CNTN4: variants seen among roughly 807,000 people sequenced by gnomAD.
CNTN4 encodes contactin-4.
CNTN4 carries 77 observed loss-of-function variants against 122.5 expected under a neutral mutation model. The ratio of observed to expected loss-of-function variants is 0.63; its 90% confidence interval spans 0.52 to 0.76. The LOEUF is 0.76. Ranked by LOEUF, CNTN4 falls within the 30% of genes least tolerant of loss-of-function variation. The probability of loss-of-function intolerance (pLI) is 0.00; values close to 1 mark genes in which losing one functional copy is unlikely to be tolerated. For missense variants in CNTN4, 1,256 were observed against 1,259.1 expected, an observed-to-expected ratio of 1.00 and a Z score of 0.04; for synonymous variants, 512 against 447.0, an observed-to-expected ratio of 1.15 and a Z score of -1.83.
chr3:2,773,374 AG>A (rs2091185075), intron 6 of CNTN4, among the ~76,000 whole-genome samples: 1 of 152,142 alleles, frequency 6.6e-6, no homozygotes, highest in Non-Finnish European at 1.5e-5. Flanking sequence ...AGTTTGTACA[AG>A]TTTTATTCAA....
intron 3 of CNTN4, among the ~76,000 whole-genome samples, chr3:2,489,987 T>C (rs1312078760): frequency 6.6e-6 from 1 of 151,350 alleles, no homozygotes; most frequent in Non-Finnish European, 1.5e-5. Flanking sequence ...AAATTGTAAA[T>C]AGGGGAATGT....
chr3:3,054,066 C>T, intron 24 of CNTN4, 91 bp downstream of exon 24: 2 of 1,295,410 alleles, frequency 1.5e-6, no homozygotes, highest in Admixed American at 3.6e-5. Context: ...ATTCAGCCTG[C>T]AAAAGCAGAC....
At chr3:2,303,778 A>T (rs2042607724) in intron 2 of CNTN4, among the ~76,000 whole-genome samples, 1 of 152,146 alleles carries the variant, frequency 6.6e-6, no homozygotes, top group African/African-American at 2.4e-5. Flanking sequence ...ATGGTTTCTG[A>T]GTCCCACAGG....
intron 4 of CNTN4, among the ~76,000 whole-genome samples, chr3:2,690,008 C>A (rs1172745279): frequency 6.6e-6 from 1 of 152,004 alleles, no homozygotes; most frequent in African/African-American, 2.4e-5. Context: ...TTTTGTTGCT[C>A]AGGGGAAAAC....
At position 2,689,191 on chromosome 3, in the gene CNTN4, C is replaced by G. The variant is rs528224207; in HGVS notation, c.56-47024C>G. On this transcript the variant is annotated intron_variant, in intron 4 of 24. Transcript: ENST00000418658. ...AGTTGCTTTGCTATTCTTATGGGAG[C>G]CAACCCAACCCCTAGCATTGTACAC... Among the ~76,000 whole-genome samples, 5 of 152,264 alleles carry G rather than the reference C, an allele frequency of 3.3e-5. No individual in the cohort carries two copies. The South Asian group carries it at 1.0e-3, about 32-fold the overall frequency.
intron 3 of CNTN4, among the ~76,000 whole-genome samples, chr3:2,480,466 A>T (rs914537943): frequency 6.6e-6 from 1 of 152,230 alleles, no homozygotes; most frequent in Non-Finnish European, 1.5e-5. Flanking sequence ...ACTTTCCTGT[A>T]TATCAACAAT....
At chr3:2,927,834 C>CTATT (rs2094487337) in intron 13 of CNTN4, among the ~76,000 whole-genome samples, 1 of 152,164 alleles carries the variant, frequency 6.6e-6, no homozygotes, top group Non-Finnish European at 1.5e-5. Flanking sequence ...CTAATTCCTG[C>CTATT]TATTTATCGC....
At chr3:2,625,313 A>G (rs1479946836) in intron 4 of CNTN4, among the ~76,000 whole-genome samples, 3 of 152,292 alleles carry the variant, frequency 2.0e-5, no homozygotes, top group East Asian at 3.9e-4. Context: ...TGTATATTCT[A>G]TTCTAAAACT....
At chr3:2,347,191 T>A (rs887781075) in intron 3 of CNTN4, among the ~76,000 whole-genome samples, 2 of 152,180 alleles carry the variant, frequency 1.3e-5, no homozygotes, top group African/African-American at 4.8e-5. Context: ...AAGAAAAGTT[T>A]ATTTCTCTCT....
chr3:2,264,492 G>T (rs1420270938), intron 2 of CNTN4, among the ~76,000 whole-genome samples: 4 of 151,952 alleles, frequency 2.6e-5, no homozygotes, highest in Non-Finnish European at 4.4e-5. Context: ...AGTTGTTTGG[G>T]TTTCTCATGT....
intron 2 of CNTN4, among the ~76,000 whole-genome samples, chr3:2,129,781 A>T (rs761314637): frequency 6.6e-6 from 1 of 151,682 alleles, no homozygotes; most frequent in African/African-American, 2.4e-5. Flanking sequence ...TTACCTACCT[A>T]CTTAACCAGA....
chr3:2,772,257 C>T (rs1426173442), intron 6 of CNTN4, among the ~76,000 whole-genome samples: 1 of 151,990 alleles, frequency 6.6e-6, no homozygotes, highest in African/African-American at 2.4e-5. Flanking sequence ...TCTGGAAAAA[C>T]AGGAAGGCTT....
intron 6 of CNTN4, among the ~76,000 whole-genome samples, chr3:2,750,662 C>T (rs981364776): frequency 2.6e-5 from 4 of 152,202 alleles, no homozygotes; most frequent in Non-Finnish European, 4.4e-5. Context: ...TCAGCAATCA[C>T]TCCCCTCACT....
intron 4 of CNTN4, among the ~76,000 whole-genome samples, chr3:2,653,855 G>T (rs566059083): frequency 6.6e-6 from 1 of 152,112 alleles, no homozygotes; most frequent in Non-Finnish European, 1.5e-5. Context: ...TGACCAGTTC[G>T]TCTCTACCAA....
intron 23 of CNTN4, 95 bp from the exon 24 acceptor site, chr3:3,053,712 T>G: frequency 7.7e-7 from 1 of 1,301,082 alleles, no homozygotes; most frequent in African/African-American, 1.4e-5. Flanking sequence ...CATCCCTGCA[T>G]TTTGCTCGTG....
intron 13 of CNTN4, among the ~76,000 whole-genome samples, chr3:2,932,301 C>T (rs1011283582): frequency 6.6e-6 from 1 of 152,082 alleles, no homozygotes; most frequent in Admixed American, 6.5e-5. Flanking sequence ...TGGCGTGAAC[C>T]CAGAAGGCGG....
At chr3:2,589,627 C>G (rs1248084978) in intron 4 of CNTN4, among the ~76,000 whole-genome samples, 2 of 152,104 alleles carry the variant, frequency 1.3e-5, no homozygotes, top group Non-Finnish European at 2.9e-5. Flanking sequence ...CTTTTTGGGT[C>G]AGGAATTTGG....
At chr3:2,694,847 A>T (rs2675303) in intron 4 of CNTN4, among the ~76,000 whole-genome samples, 125,482 of 152,202 alleles carry the variant, frequency 0.82, 51,986 homozygotes, top group African/African-American at 0.9. Flanking sequence ...AAGAACATGT[A>T]GTTTGAGGAG....
chr3:2,375,721 A>G (rs1401585947), intron 3 of CNTN4, among the ~76,000 whole-genome samples: 2 of 152,116 alleles, frequency 1.3e-5, no homozygotes, highest in African/African-American at 2.4e-5. Flanking sequence ...TTCAGTCACT[A>G]TTTTTATATC....
Sources: gnomAD v4.1 joint callset for allele counts (sites outside exome capture counted in the v4.1 genomes callset) on GRCh38, gnomAD v4.1.1 for gene constraint, MANE v1.5 for transcripts, NCBI Gene and HGNC (gene_info 2026-07-23, HGNC 2026-07-21) for gene names.